Variants in BANK1 observed in about 807,000 individuals in gnomAD.
The protein encoded by BANK1 is B cell scaffold protein with ankyrin repeats 1, also known as B-cell scaffold protein with ankyrin repeats.
Under a neutral mutation model 94.5 loss-of-function variants are expected in BANK1, and 95 were observed. That is an observed-to-expected ratio of 1.00 (90% CI 0.85 to 1.19). BANK1 has a LOEUF of 1.19. BANK1 is among the 50% of genes most tolerant of loss of function. BANK1 has a pLI of 0.00. For missense variants in BANK1, 987 were observed against 932.2 expected (o/e 1.06, Z -0.77); for synonymous variants, 334 against 308.4 (o/e 1.08, Z -0.87).
At chr4:102,032,779 G>T (rs1333885380) in intron 10 of BANK1, among the ~76,000 whole-genome samples, 2 of 152,012 alleles carry the variant, frequency 1.3e-5, no homozygotes, top group Non-Finnish European at 2.9e-5. Context: ...CAGCTACTCA[G>T]GAGGCTGAGG....
At chr4:101,944,330 G>C (rs1723860966) in intron 7 of BANK1, among the ~76,000 whole-genome samples, 1 of 151,782 alleles carries the variant, frequency 6.6e-6, no homozygotes, top group African/African-American at 2.4e-5. Context: ...CTCAGCTTCA[G>C]CCATTTGGAC....
At chr4:102,050,745 C>G (rs1391733204) in intron 11 of BANK1, among the ~76,000 whole-genome samples, 1 of 152,034 alleles carries the variant, frequency 6.6e-6, no homozygotes, top group Non-Finnish European at 1.5e-5. Flanking sequence ...ATATTTGGAA[C>G]ACATTTCTCT....
intron 5 of BANK1, among the ~76,000 whole-genome samples, chr4:101,879,567 G>A (rs1165025627): frequency 6.6e-6 from 1 of 151,902 alleles, no homozygotes; most frequent in African/African-American, 2.4e-5. Context: ...AAAAATAGAG[G>A]GGGAAGGAAC....
intron 6 of BANK1, among the ~76,000 whole-genome samples, chr4:101,916,155 G>T (rs1722824456): frequency 1.3e-5 from 2 of 151,990 alleles, no homozygotes; most frequent in South Asian, 4.1e-4. Flanking sequence ...AAGAATATCA[G>T]AAGTTCTATA....
At chr4:101,848,067 T>G (rs186894025) in intron 2 of BANK1, among the ~76,000 whole-genome samples, 39 of 152,326 alleles carry the variant, frequency 2.6e-4, no homozygotes, top group African/African-American at 8.9e-4. Flanking sequence ...TGTTTTGCTC[T>G]GCTCTCCAAA....
At chr4:102,022,421 T>A (rs1342676126) in intron 8 of BANK1, among the ~76,000 whole-genome samples, 2 of 152,098 alleles carry the variant, frequency 1.3e-5, no homozygotes, top group African/African-American at 2.4e-5. Context: ...TTCAAAACAT[T>A]CCCAGCATTC....
intron 5 of BANK1, among the ~76,000 whole-genome samples, chr4:101,878,219 C>T (rs1479401142): frequency 6.6e-6 from 1 of 151,806 alleles, no homozygotes; most frequent in Non-Finnish European, 1.5e-5. Flanking sequence ...AAGAAATGCA[C>T]TCTATAAAGA....
chr4:101,957,466 C>G (rs1724386522), intron 7 of BANK1, among the ~76,000 whole-genome samples: 1 of 152,184 alleles, frequency 6.6e-6, no homozygotes, highest in Non-Finnish European at 1.5e-5. Flanking sequence ...TAACACACAG[C>G]CTTTTCTCGA....
At chr4:101,915,985 T>C (rs551911920) in intron 6 of BANK1, among the ~76,000 whole-genome samples, 36 of 152,186 alleles carry the variant, frequency 2.4e-4, no homozygotes, top group Non-Finnish European at 4.7e-4. Context: ...TAACATTTCA[T>C]CAGATTTCAA....
intron 3 of BANK1, among the ~76,000 whole-genome samples, chr4:101,857,603 T>G (rs1309670637): frequency 6.6e-6 from 1 of 152,228 alleles, no homozygotes; most frequent in African/African-American, 2.4e-5. Flanking sequence ...CTCTGCCTTG[T>G]CACTCTTCCT....
chr4:102,014,815 C>T (rs1158070533), intron 7 of BANK1, among the ~76,000 whole-genome samples: 1 of 151,848 alleles, frequency 6.6e-6, no homozygotes, highest in African/African-American at 2.4e-5. Flanking sequence ...TCCCAGGGCT[C>T]AGTTTTTGCA....
chr4:101,827,011 G>A (rs1205215419), intron 1 of BANK1, among the ~76,000 whole-genome samples: 9 of 151,910 alleles, frequency 5.9e-5, no homozygotes, highest in Non-Finnish European at 1.3e-4. Flanking sequence ...TTCAGAGGAA[G>A]AAGATGACAA....
At chr4:101,991,961 C>A (rs1725724643) in intron 7 of BANK1, among the ~76,000 whole-genome samples, 3 of 152,116 alleles carry the variant, frequency 2.0e-5, no homozygotes, top group Non-Finnish European at 4.4e-5. Context: ...TGCCTGAAGC[C>A]TGAGAGCAAA....
Position 102,006,095 on chromosome 4 carries a change from T to C in BANK1, c.1207-15419T>C, listed in dbSNP as rs567998706. On this transcript the variant is annotated intron_variant, in intron 7 of 16. Coordinates refer to ENST00000322953, the MANE Select transcript of BANK1 (RefSeq NM_017935.5). ...TGCACACGAAATGGCTTTTCCCCCA[T>C]TGTATAATACTAATGATATCTAATC... Among the ~76,000 whole-genome samples the C allele has an allele frequency of 8.9e-4, 135 of 152,116 alleles. 1 individual carries two copies. The highest frequency in any genetic ancestry group is 3.1e-3 in the African/African-American group (128 of 41,556).
chr4:101,930,211 A>C (rs1723294258), intron 7 of BANK1, among the ~76,000 whole-genome samples: 4 of 151,270 alleles, frequency 2.6e-5, no homozygotes, highest in African/African-American at 9.7e-5. Context: ...AGCAGTGACT[A>C]TCTCTGAGTA....
intron 11 of BANK1, among the ~76,000 whole-genome samples, chr4:102,046,006 C>T (rs1159417984): frequency 6.8e-6 from 1 of 147,610 alleles, no homozygotes; most frequent in Admixed American, 6.8e-5. Context: ...GCCAAAAGAA[C>T]AAAGCTGGAG....
In BANK1 at chr4:101,822,474, T is replaced by C. The variant is rs72686722; in HGVS notation, c.71-7334T>C. Reference sequence around the variant, plus strand: ...TAAAGTTACCATATTTCATTGATTCTGACAATTTATTATTCAAATGCTCTA... The same window carrying C: ...TAAAGTTACCATATTTCATTGATTCCGACAATTTATTATTCAAATGCTCTA... On this transcript the variant is annotated intron_variant, in intron 1 of 16. Coordinates refer to ENST00000322953, the MANE Select transcript of BANK1 (RefSeq NM_017935.5). 9.8e-3 allele frequency among the ~76,000 whole-genome samples: 1,497 copies of C among 152,328 alleles called. 11 individuals are homozygous for C. Among genetic ancestry groups the C allele is most frequent in the Non-Finnish European group, 0.015 (987 of 68,022 alleles).
At chr4:101,987,041 T>C (rs1725530776) in intron 7 of BANK1, among the ~76,000 whole-genome samples, 1 of 149,180 alleles carries the variant, frequency 6.7e-6, no homozygotes, top group African/African-American at 2.5e-5. Flanking sequence ...AATATTGTGA[T>C]CTACCAGAAG....
intron 1 of BANK1, among the ~76,000 whole-genome samples, chr4:101,804,341 A>G (rs1044336775): frequency 6.6e-6 from 1 of 152,186 alleles, no homozygotes; most frequent in Non-Finnish European, 1.5e-5. Flanking sequence ...AGTATCTGCT[A>G]AAATGGTGTA....
Sources: allele counts gnomAD v4.1 joint callset (sites outside exome capture counted in the v4.1 genomes callset), GRCh38; gene constraint gnomAD v4.1.1; transcripts MANE v1.5; gene names NCBI Gene and HGNC (gene_info 2026-07-23, HGNC 2026-07-21).